Variants in B3GALT1 observed in about 807,000 individuals in gnomAD.
B3GALT1 encodes beta-1,3-galactosyltransferase 1.
B3GALT1 carries 10 observed loss-of-function variants against 23.2 expected under a neutral mutation model. That is an observed-to-expected ratio of 0.43 (90% confidence interval 0.27 to 0.73). The LOEUF is 0.73. Ranked by LOEUF, B3GALT1 falls within the 30% of genes least tolerant of loss-of-function variation. The probability of loss-of-function intolerance (pLI) is 0.21; values close to 1 mark genes in which losing one functional copy is unlikely to be tolerated. For synonymous variants in B3GALT1, 156 were observed against 141.5 expected, an observed-to-expected ratio of 1.10 and a Z score of -0.73; for missense variants, 299 against 405.4, an observed-to-expected ratio of 0.74 and a Z score of 2.25.
At chr2:167,341,353 C>T (rs1168090005) in intron 1 of B3GALT1, among the ~76,000 whole-genome samples, 3 of 152,046 alleles carry the variant, frequency 2.0e-5, no homozygotes, top group African/African-American at 7.2e-5. Context: ...AGTCTGATAG[C>T]AGAAAAAGGT....
intron 3 of B3GALT1, among the ~76,000 whole-genome samples, chr2:167,778,786 G>C (rs572510902): frequency 6.6e-6 from 1 of 152,284 alleles, no homozygotes; most frequent in South Asian, 2.1e-4. Context: ...CAAATCCTTT[G>C]ACATGAAATC....
intron 1 of B3GALT1, among the ~76,000 whole-genome samples, chr2:167,417,412 C>T (rs1457657734): frequency 1.3e-5 from 2 of 152,134 alleles, no homozygotes; most frequent in African/African-American, 2.4e-5. Context: ...TCACTAGATG[C>T]GACCCCTCAA....
rs189373861 is a variant in B3GALT1, at chr2:167,703,250, C to T, written c.-352+56284C>T. Among the ~76,000 whole-genome samples, 23 of 152,286 alleles carry T rather than the reference C, an allele frequency of 1.5e-4. 1 individual carries two copies. In the East Asian group the frequency reaches 4.4e-3, roughly 29 times the overall value. On this transcript the variant is annotated intron_variant, in intron 3 of 4. Coordinates refer to ENST00000392690, the MANE Select transcript of B3GALT1 (RefSeq NM_020981.4). ...AAGGTTTTAATAACTTACTGGTTGT[C>T]ATACATGAACAGCCAGGTTTCAAAC...
chr2:167,615,984 C>T (rs536513996), intron 2 of B3GALT1, among the ~76,000 whole-genome samples: 5 of 152,144 alleles, frequency 3.3e-5, no homozygotes, highest in Non-Finnish European at 5.9e-5. Flanking sequence ...CTCATTCTGA[C>T]ATATGCCACT....
At chr2:167,838,611 G>C (rs1574293168) in intron 4 of B3GALT1, among the ~76,000 whole-genome samples, 5 of 152,402 alleles carry the variant, frequency 3.3e-5, no homozygotes, top group Admixed American at 2.6e-4. Flanking sequence ...AGGAGGAACT[G>C]GTACCATTTC....
intron 3 of B3GALT1, among the ~76,000 whole-genome samples, chr2:167,811,079 A>G (rs1211431203): frequency 6.6e-6 from 1 of 152,216 alleles, no homozygotes; most frequent in Non-Finnish European, 1.5e-5. Flanking sequence ...TTCTAGATCA[A>G]AAAACCTGGA....
chr2:167,309,734 C>G (rs2105485295), intron 1 of B3GALT1, among the ~76,000 whole-genome samples: 1 of 152,104 alleles, frequency 6.6e-6, no homozygotes, highest in Non-Finnish European at 1.5e-5. Flanking sequence ...TTTCATTAGG[C>G]AAATACATAT....
chr2:167,813,982 C>G (rs900087922), intron 3 of B3GALT1, among the ~76,000 whole-genome samples: 2 of 152,138 alleles, frequency 1.3e-5, no homozygotes, highest in Non-Finnish European at 2.9e-5. Flanking sequence ...ACCTTCTGCA[C>G]CCTAAACTGG....
At chr2:167,501,050 C>T (rs770495223) in intron 2 of B3GALT1, among the ~76,000 whole-genome samples, 9 of 151,782 alleles carry the variant, frequency 5.9e-5, no homozygotes, top group Non-Finnish European at 7.4e-5. Context: ...AGACATTTAA[C>T]GAATCAATGA....
chr2:167,409,044 C>G (rs1176398165), intron 1 of B3GALT1, among the ~76,000 whole-genome samples: 3 of 152,126 alleles, frequency 2.0e-5, no homozygotes, highest in African/African-American at 7.2e-5. Flanking sequence ...TCTGGAAGCA[C>G]AAAAGATCCA....
chr2:167,521,482 A>G, intron 2 of B3GALT1, among the ~76,000 whole-genome samples: 1 of 152,238 alleles, frequency 6.6e-6, no homozygotes, highest in South Asian at 2.1e-4. Context: ...ACTAACTACT[A>G]TCCAAATCTT....
intron 2 of B3GALT1, among the ~76,000 whole-genome samples, chr2:167,506,733 A>G (rs1004709079): frequency 6.6e-6 from 1 of 151,076 alleles, no homozygotes; most frequent in Non-Finnish European, 1.5e-5. Flanking sequence ...TAATACACAC[A>G]TAGATAAAAT....
chr2:167,835,927 T>TG (rs929414080), intron 4 of B3GALT1, among the ~76,000 whole-genome samples: 4 of 152,104 alleles, frequency 2.6e-5, no homozygotes, highest in Admixed American at 6.5e-5. Context: ...GGGTCTGGAG[T>TG]GGACCTCTAG....
chr2:167,494,976 G>A (rs1699761561), intron 2 of B3GALT1, among the ~76,000 whole-genome samples: 2 of 152,122 alleles, frequency 1.3e-5, no homozygotes, highest in Admixed American at 6.5e-5. Flanking sequence ...CTGCTGTGGG[G>A]TAGACAATTT....
intron 4 of B3GALT1, among the ~76,000 whole-genome samples, chr2:167,847,033 G>T (rs1373471041): frequency 1.3e-5 from 2 of 152,130 alleles, no homozygotes; most frequent in Non-Finnish European, 2.9e-5. Context: ...AAGGGTAAAA[G>T]CCTTGTCCAA....
In B3GALT1 at chr2:167,563,362, T is replaced by G. The variant is rs1246860287; in HGVS notation, c.-410+73085T>G. 9.5e-5 allele frequency among the ~76,000 whole-genome samples: 10 copies of G among 105,502 alleles called. No individual in the cohort carries two copies. In the South Asian group the frequency reaches 3.1e-3, roughly 32 times the overall value. 69.2% of individuals were successfully genotyped at this position (105,502 alleles called of 152,430 possible). A position where few individuals can be genotyped will look rare whatever the true frequency, so the allele number is the denominator to read the frequency against. Reference sequence around the variant, plus strand: ...GCGGCTGGCCGGGCGGGGGGCTGACTCCCCCACCTCCCTCCCTCCCGGACG... The same window carrying G: ...GCGGCTGGCCGGGCGGGGGGCTGACGCCCCCACCTCCCTCCCTCCCGGACG... On this transcript the variant is annotated intron_variant, in intron 2 of 4. Transcript: ENST00000392690.
chr2:167,539,774 G>T (rs1022461143), intron 2 of B3GALT1, among the ~76,000 whole-genome samples: 1 of 151,766 alleles, frequency 6.6e-6, no homozygotes, highest in Admixed American at 6.6e-5. Context: ...ATATAATTTG[G>T]TATCCACAAA....
At position 167,503,627 on chromosome 2, in the gene B3GALT1, T is replaced by C. The variant is rs1034269343; in HGVS notation, c.-410+13350T>C. 1.3e-4 allele frequency among the ~76,000 whole-genome samples: 20 copies of C among 152,316 alleles called. No individual in the cohort carries two copies. In the East Asian group the frequency reaches 2.7e-3, roughly 21 times the overall value. On this transcript the variant is annotated intron_variant, in intron 2 of 4. Transcript: ENST00000392690. ...GTACTCTTCCCTTGAGTATTGCATT[T>C]CCAAGAAATTTCCCTCAACTAAAAT...
At chr2:167,467,341 A>AT (rs1292423074) in intron 1 of B3GALT1, among the ~76,000 whole-genome samples, 1 of 152,166 alleles carries the variant, frequency 6.6e-6, no homozygotes, top group East Asian at 1.9e-4. Flanking sequence ...CTCGAGCATT[A>AT]TTTTTAACTC....
Sources: gnomAD v4.1 joint callset for allele counts (sites outside exome capture counted in the v4.1 genomes callset) on GRCh38, gnomAD v4.1.1 for gene constraint, MANE v1.5 for transcripts, NCBI Gene and HGNC (gene_info 2026-07-23, HGNC 2026-07-21) for gene names.